Variants in LIN54 observed in about 807,000 individuals in gnomAD.
LIN54 encodes the protein protein lin-54 homolog.
In LIN54, 9 loss-of-function variants were observed where a neutral mutation model predicts 78.7. That is an observed-to-expected ratio of 0.11 (90% CI 0.07 to 0.20). The LOEUF (loss-of-function observed/expected upper bound fraction) is 0.20. Ranked by LOEUF, LIN54 falls within the 10% of genes least tolerant of loss-of-function variation. LIN54 has a pLI of 1.00. For missense variants in LIN54, 573 were observed against 889.9 expected (o/e 0.64, Z 4.53); for synonymous variants, 269 against 318.4 (o/e 0.84, Z 1.65).
chr4:82,950,855 A>C (rs954650189), intron 4 of LIN54, among the ~76,000 whole-genome samples: 1 of 152,152 alleles, frequency 6.6e-6, no homozygotes, highest in Non-Finnish European at 1.5e-5. Context: ...ACTTACCTAA[A>C]AGAAAAAGAG....
chr4:82,964,244 T>A (rs1725031898), intron 4 of LIN54, among the ~76,000 whole-genome samples: 1 of 151,950 alleles, frequency 6.6e-6, no homozygotes, highest in Non-Finnish European at 1.5e-5. Context: ...AGAGATGGGG[T>A]TTCACCATGT....
In LIN54 at chr4:82,939,685, G is replaced by C. The variant is rs755349361; in HGVS notation, c.1294C>G (p.Pro432Ala). Reference protein sequence around the residue: ...PTSQIVTTSQPQQRLIMPATP... With the variant: ...PTSQIVTTSQAQQRLIMPATP... ...GCAGGCATGATAAGCCGTTGCTGTGGCTGGCTAGTAGTTACTATTTGTGAA... is the reference window on the plus strand; with the variant it reads ...GCAGGCATGATAAGCCGTTGCTGTGCCTGGCTAGTAGTTACTATTTGTGAA... Residue 432 changes from proline to alanine, a missense_variant, in exon 7 of 13, where the codon CCA (proline) becomes GCA (alanine). Pro to Ala is a conservative substitution (Grantham distance 27). Transcript: ENST00000340417. 2 of 1,614,042 alleles carry C rather than the reference G, an allele frequency of 1.2e-6. No individual in the cohort carries two copies. Among genetic ancestry groups the C allele is most frequent in the Non-Finnish European group, 1.7e-6 (2 of 1,179,896 alleles).
chr4:83,009,609 T>C (rs904881585), intron 1 of LIN54, among the ~76,000 whole-genome samples: 1 of 152,312 alleles, frequency 6.6e-6, no homozygotes, highest in Admixed American at 6.5e-5. Context: ...AATAAAACAG[T>C]GGCTGTTATA....
At chr4:82,957,469 G>A (rs541664770) in intron 4 of LIN54, among the ~76,000 whole-genome samples, 1 of 152,170 alleles carries the variant, frequency 6.6e-6, no homozygotes, top group African/African-American at 2.4e-5. Context: ...AATTTTCTTC[G>A]TTTTGAAGAT....
intron 4 of LIN54, among the ~76,000 whole-genome samples, chr4:82,969,305 T>G (rs1725460919): frequency 1.3e-5 from 2 of 152,230 alleles, no homozygotes; most frequent in South Asian, 4.1e-4. Context: ...AATCCATCTA[T>G]GACCATTGTA....
intron 4 of LIN54, among the ~76,000 whole-genome samples, chr4:82,953,204 A>G (rs1383078730): frequency 6.6e-6 from 1 of 152,080 alleles, no homozygotes; most frequent in African/African-American, 2.4e-5. Flanking sequence ...GCCCAGGCTG[A>G]TCTTGAACTC....
intron 4 of LIN54, among the ~76,000 whole-genome samples, chr4:82,960,322 T>TTAATTTTTAA (rs11269737): frequency 0.03 from 5 of 166 alleles, no homozygotes; most frequent in African/African-American, 0.076. Flanking sequence ...ACACCAGCGG[T>TTAATTTTTAA]GTGTAGAGTT....
At chr4:83,001,943 G>GA (rs71668622) in intron 1 of LIN54, among the ~76,000 whole-genome samples, 150 of 4,580 alleles carry the variant, frequency 0.033, 45 homozygotes, top group Non-Finnish European at 0.17. Context: ...AGGAAGGAAG[G>GA]AAGGAAGGAA....
intron 1 of LIN54, among the ~76,000 whole-genome samples, chr4:83,005,061 A>G (rs1357473529): frequency 1.3e-5 from 2 of 151,734 alleles, no homozygotes; most frequent in Non-Finnish European, 2.9e-5. Context: ...TGCCCGGTTC[A>G]TGTTTGTATT....
At chr4:82,993,876 A>G (rs1021917177) in intron 1 of LIN54, among the ~76,000 whole-genome samples, 7 of 152,060 alleles carry the variant, frequency 4.6e-5, no homozygotes, top group Admixed American at 6.6e-5. Context: ...TCAGCATCCC[A>G]AAGTGCTGGG....
intron 4 of LIN54, among the ~76,000 whole-genome samples, chr4:82,957,552 T>C (rs6813014): frequency 0.54 from 82,264 of 152,040 alleles, 24,097 homozygotes; most frequent in East Asian, 0.78. Context: ...CCGATTCATA[T>C]TTCCAATCAG....
intron 1 of LIN54, among the ~76,000 whole-genome samples, chr4:82,998,654 A>G (rs893174222): frequency 6.6e-6 from 1 of 152,084 alleles, no homozygotes; most frequent in Non-Finnish European, 1.5e-5. Context: ...AAGAGAAAGA[A>G]AGAAAGAATC....
chr4:82,981,453 CTAAACT>C (rs1317381309), intron 2 of LIN54, among the ~76,000 whole-genome samples: 1 of 152,058 alleles, frequency 6.6e-6, no homozygotes, highest in Non-Finnish European at 1.5e-5. Context: ...AATACTCTGA[CTAAACT>C]TAACACTGAC....
chr4:83,011,040 C>T (rs1260990433), upstream of LIN54, among the ~76,000 whole-genome samples: 1 of 152,196 alleles, frequency 6.6e-6, no homozygotes. Context: ...GTCCCAAGTC[C>T]GGCATATTTT....
At chr4:83,012,511 GGCTGGCCGAGC>G (rs1188946844), upstream of LIN54, among the ~76,000 whole-genome samples, 3 of 152,106 alleles carry the variant, frequency 2.0e-5, no homozygotes, top group Non-Finnish European at 4.4e-5. Flanking sequence ...CCGGGCAGGC[GGCTGGCCGAGC>G]GCTGGCCCTG....
chr4:82,959,918 A>T (rs1003033395), intron 4 of LIN54, among the ~76,000 whole-genome samples: 1 of 152,238 alleles, frequency 6.6e-6, no homozygotes, highest in Non-Finnish European at 1.5e-5. Flanking sequence ...ATTATTTTTA[A>T]GAAGTTGAAA....
intron 1 of LIN54, among the ~76,000 whole-genome samples, chr4:82,991,173 AAAG>A (rs1454704311): frequency 1.3e-5 from 2 of 151,826 alleles, no homozygotes; most frequent in Non-Finnish European, 2.9e-5. Flanking sequence ...AAAAAAAAAA[AAAG>A]ACCCATGGAA....
At chr4:82,939,802 A>G (rs1722697962) in intron 6 of LIN54, 66 bp from the exon 7 acceptor site, 1 of 1,590,486 alleles carries the variant, frequency 6.3e-7, no homozygotes, top group Admixed American at 1.7e-5. Flanking sequence ...TTCAGTATAA[A>G]TCTCTTGCAC....
intron 11 of LIN54, among the ~76,000 whole-genome samples, chr4:82,933,522 C>T (rs1722142448): frequency 6.6e-6 from 1 of 152,076 alleles, no homozygotes; most frequent in African/African-American, 2.4e-5. Context: ...TGCAAACCAA[C>T]AGGATTAAAA....
Sources: gnomAD v4.1 joint callset for allele counts (sites outside exome capture counted in the v4.1 genomes callset) on GRCh38, gnomAD v4.1.1 for gene constraint, MANE v1.5 for transcripts, NCBI Gene and HGNC (gene_info 2026-07-23, HGNC 2026-07-21) for gene names.